VANGL1: variants seen among roughly 807,000 people sequenced by gnomAD.
VANGL1 encodes the protein vang-like protein 1.
A neutral mutation model predicts 48.4 loss-of-function variants in VANGL1; 18 were observed. The ratio of observed to expected loss-of-function variants is 0.37; its 90% CI spans 0.26 to 0.55. The LOEUF is 0.55. Among genes scored for constraint, VANGL1 ranks in the 20% least tolerant of loss-of-function variants. The probability of loss-of-function intolerance (pLI) is 0.81; values close to 1 mark genes in which losing one functional copy is unlikely to be tolerated. For synonymous variants in VANGL1, 257 were observed against 261.8 expected (o/e 0.98, Z 0.18); for missense variants, 667 against 675.8 (o/e 0.99, Z 0.14).
Position 115,691,323 on chromosome 1 carries a change from A to T in VANGL1, c.1519A>T (p.Ile507Leu). 1 of 1,614,224 alleles carries T rather than the reference A, an allele frequency of 6.2e-7. No homozygotes were observed. The highest frequency in any genetic ancestry group is 8.5e-7 in the Non-Finnish European group (1 of 1,180,030). ...IPFIILSEEF[I>L]DPKSHKFVLR... ...ATTCATCATACTCTCTGAAGAGTTC[A>T]TAGACCCCAAATCTCACAAATTTGT... Residue 507 changes from isoleucine (I) to leucine (L), a missense_variant, in exon 8 of 8, where the codon ATA becomes TTA. By Grantham distance (5) the Ile-to-Leu change is conservative. Transcript: ENST00000355485.
chr1:115,654,740 C>T (rs1478644782), intron 2 of VANGL1, among the ~76,000 whole-genome samples: 1 of 152,020 alleles, frequency 6.6e-6, no homozygotes, highest in Non-Finnish European at 1.5e-5. Flanking sequence ...AGCACAAGTT[C>T]CCTAATTTAA....
chr1:115,643,843 T>TA (rs1266300201), intron 1 of VANGL1, among the ~76,000 whole-genome samples: 1 of 152,226 alleles, frequency 6.6e-6, no homozygotes, highest in Non-Finnish European at 1.5e-5. Flanking sequence ...ATCATCCCCT[T>TA]AACACACTTA....
At chr1:115,665,592 C>T (rs1652743344) in intron 4 of VANGL1, among the ~76,000 whole-genome samples, 1 of 152,324 alleles carries the variant, frequency 6.6e-6, no homozygotes, top group African/African-American at 2.4e-5. Flanking sequence ...ATTCCTCTGG[C>T]TTGGCTTGTG....
intron 4 of VANGL1, among the ~76,000 whole-genome samples, chr1:115,665,624 G>A (rs4276921): frequency 0.12 from 17,969 of 152,200 alleles, 1,170 homozygotes; most frequent in South Asian, 0.16. Context: ...GGATGATCTA[G>A]CGTTCAAGGT....
chr1:115,656,933 G>A (rs1652374964), intron 2 of VANGL1, among the ~76,000 whole-genome samples: 1 of 152,246 alleles, frequency 6.6e-6, no homozygotes, highest in African/African-American at 2.4e-5. Context: ...TGACTTGGCT[G>A]GTGGCCGAGA....
chr1:115,676,104 T>C (rs1263307419), intron 4 of VANGL1, among the ~76,000 whole-genome samples: 1 of 152,220 alleles, frequency 6.6e-6, no homozygotes, highest in Non-Finnish European at 1.5e-5. Flanking sequence ...CATTATTTCA[T>C]TTGCTCTTCT....
In VANGL1 at chr1:115,696,770, G is replaced by A. The variant is rs1440341245; in HGVS notation, c.*5391G>A. ...GAGCAGATTCCTAAAGCCAGGTGCA[G>A]CACTGTGAAAAGTTTCTTTCAATAT... On this transcript the variant is annotated 3_prime_UTR_variant, in exon 8 of 8. Transcript: ENST00000355485. The A allele has an allele frequency of 6.6e-6, 1 of 152,182 alleles. No homozygotes were observed. Among genetic ancestry groups the A allele is most frequent in the African/African-American group, 2.4e-5 (1 of 41,444 alleles). The allele number at this position is 152,182 out of a possible 1,614,324, so 9.4% of individuals were successfully genotyped here.
At chr1:115,650,972 A>T (rs1022737031) in intron 1 of VANGL1, among the ~76,000 whole-genome samples, 8 of 152,030 alleles carry the variant, frequency 5.3e-5, no homozygotes, top group African/African-American at 1.9e-4. Context: ...CAGATGTGGA[A>T]AGCCACCTCC....
chr1:115,652,054 G>C (rs1323694122), intron 2 of VANGL1, among the ~76,000 whole-genome samples: 1 of 152,194 alleles, frequency 6.6e-6, no homozygotes, highest in Non-Finnish European at 1.5e-5. Flanking sequence ...GCTTTATGAA[G>C]AATGTAAATG....
chr1:115,664,911 A>T (rs1652715867), intron 4 of VANGL1, among the ~76,000 whole-genome samples: 1 of 152,184 alleles, frequency 6.6e-6, no homozygotes, highest in Non-Finnish European at 1.5e-5. Flanking sequence ...GATTACCATC[A>T]TTTTATTTGC....
chr1:115,659,843 T>C, intron 3 of VANGL1, 70 bp downstream of exon 3: 1 of 1,602,318 alleles, frequency 6.2e-7, no homozygotes, highest in Non-Finnish European at 8.5e-7. Flanking sequence ...ATGTTTTCCT[T>C]AGGTTCTCTT....
intron 4 of VANGL1, among the ~76,000 whole-genome samples, chr1:115,669,627 C>T (rs1308557181): frequency 3.1e-5 from 4 of 130,220 alleles, no homozygotes; most frequent in Admixed American, 1.6e-4. Context: ...TCATTTTCTT[C>T]GTTGTCTGTA....
At position 115,697,466 on chromosome 1, in the gene VANGL1, A is replaced by G. The variant is rs1047378450; in HGVS notation, c.*6087A>G. ...CCCTAAGTTATGGCGTGATTAGCCA[A>G]ATTTGATTTCCAACAGTCATTTATG... On this transcript the variant is annotated 3_prime_UTR_variant, in exon 8 of 8. Coordinates refer to ENST00000355485, the MANE Select transcript of VANGL1 (RefSeq NM_138959.3). The G allele has an allele frequency of 6.6e-6, 1 of 152,194 alleles. No homozygotes were observed. Among genetic ancestry groups the G allele is most frequent in the African/African-American group, 2.4e-5 (1 of 41,462 alleles). 9.4% of individuals were successfully genotyped at this position (152,194 alleles called of 1,614,324 possible).
chr1:115,678,780 A>T (rs370421712), intron 4 of VANGL1, among the ~76,000 whole-genome samples: 5 of 151,734 alleles, frequency 3.3e-5, no homozygotes, highest in African/African-American at 1.2e-4. Context: ...ACATGGTGAG[A>T]CCCCGTCCTT....
chr1:115,660,733 C>T (rs1239957949), intron 3 of VANGL1, among the ~76,000 whole-genome samples: 1 of 152,130 alleles, frequency 6.6e-6, no homozygotes, highest in Non-Finnish European at 1.5e-5. Context: ...CTGTACATAC[C>T]TGTGCATACA....
chr1:115,684,788 G>A (rs1484463879), intron 6 of VANGL1, among the ~76,000 whole-genome samples: 1 of 152,168 alleles, frequency 6.6e-6, no homozygotes, highest in Non-Finnish European at 1.5e-5. Flanking sequence ...GAAGGGGACA[G>A]AGGTGCATTC....
intron 2 of VANGL1, among the ~76,000 whole-genome samples, chr1:115,652,830 A>G (rs1312975373): frequency 6.6e-6 from 1 of 152,262 alleles, no homozygotes; most frequent in East Asian, 1.9e-4. Flanking sequence ...CCAAGCTGCC[A>G]GGAGTGGTCA....
chr1:115,679,612 G>T lies in VANGL1; in HGVS notation c.813-2752G>T, dbSNP rs985667886. ...GTGAGAGACACAGCCAGGAGGCTCC[G>T]ACCCACCCATCCCCTCACAGGCCCC... On this transcript the variant is annotated intron_variant, in intron 4 of 7. Coordinates refer to ENST00000355485, the MANE Select transcript of VANGL1 (RefSeq NM_138959.3). 1.1e-4 allele frequency among the ~76,000 whole-genome samples: 17 copies of T among 152,326 alleles called. 1 individual carries two copies. The East Asian group carries it at 3.1e-3, about 28-fold the overall frequency.
At chr1:115,663,579 G>A (rs1405365225) in intron 3 of VANGL1, 82 bp from the exon 4 acceptor site, 1 of 1,591,570 alleles carries the variant, frequency 6.3e-7, no homozygotes, top group Non-Finnish European at 8.6e-7. Context: ...GGTAGATGCA[G>A]CGGGCCCTGC....
Sources: allele counts gnomAD v4.1 joint callset (sites outside exome capture counted in the v4.1 genomes callset), GRCh38; gene constraint gnomAD v4.1.1; transcripts MANE v1.5; gene names NCBI Gene and HGNC (gene_info 2026-07-23, HGNC 2026-07-21).